Variants in PARD3B observed in about 807,000 individuals in gnomAD.
The protein encoded by PARD3B is par-3 family cell polarity regulator beta, also known as partitioning defective 3 homolog B.
Under a neutral mutation model 130.2 loss-of-function variants are expected in PARD3B, and 103 were observed. The observed-to-expected ratio is 0.79, with a 90% confidence interval of 0.67 to 0.93. The LOEUF (loss-of-function observed/expected upper bound fraction) is 0.93, where lower values mean the gene tolerates loss of function less well. Ranked by LOEUF, PARD3B falls within the 40% of genes least tolerant of loss-of-function variation. PARD3B has a pLI of 0.00. For missense variants in PARD3B, 1,609 were observed against 1,499.2 expected (o/e 1.07, Z -1.21); for synonymous variants, 583 against 553.2 (o/e 1.05, Z -0.76).
In PARD3B at chr2:205,001,762, C is replaced by T. The variant is rs543480200; in HGVS notation, c.394+36439C>T. ...AACTCCTTGTAGGGCAAACACCACA[C>T]GGTTGCACAATACCCAGCACTTGCA... On this transcript the variant is annotated intron_variant, in intron 3 of 22. Transcript: ENST00000406610. 5.3e-5 allele frequency among the ~76,000 whole-genome samples: 8 copies of T among 152,318 alleles called. No homozygotes were observed. In the South Asian group the frequency reaches 1.0e-3, roughly 20 times the overall value.
chr2:205,231,501 AT>A (rs1278709655), intron 15 of PARD3B, among the ~76,000 whole-genome samples: 19,138 of 130,500 alleles, frequency 0.15, 1,264 homozygotes, highest in African/African-American at 0.2. Flanking sequence ...TAATTTTTGT[AT>A]TTTTTTTTTT....
In PARD3B at chr2:205,616,972, GATT is replaced by G. The variant is rs1341770697; in HGVS notation, c.*1161_*1163del. On this transcript the variant is annotated 3_prime_UTR_variant, in exon 23 of 23. Coordinates refer to ENST00000406610, the MANE Select transcript of PARD3B (RefSeq NM_001302769.2). ...ATGATTGCCAGTATGGAGAATGAAA[GATT>G]AATAATGCTTTCTGGAGAGTTTGAT... 1 of 154,342 alleles carries G rather than the reference GATT, an allele frequency of 6.5e-6. No individual in the cohort carries two copies. Among genetic ancestry groups the G allele is most frequent in the African/African-American group, 2.4e-5 (1 of 41,502 alleles). The allele number at this position is 154,342 out of a possible 1,614,324, so 9.6% of individuals were successfully genotyped here.
intron 18 of PARD3B, among the ~76,000 whole-genome samples, chr2:205,356,262 G>A (rs1323494317): frequency 9.9e-5 from 15 of 152,130 alleles, no homozygotes; most frequent in African/African-American, 3.6e-4. Context: ...AAATTGAAAA[G>A]CTGTTTGTAT....
chr2:204,601,948 G>A (rs2033532388), intron 1 of PARD3B, among the ~76,000 whole-genome samples: 1 of 152,010 alleles, frequency 6.6e-6, no homozygotes, highest in Non-Finnish European at 1.5e-5. Context: ...GTGGTGTGCA[G>A]GTAGTTGCTA....
In PARD3B at chr2:205,117,632, G is replaced by T. The variant is rs181123992; in HGVS notation, c.681-1289G>T. Among the ~76,000 whole-genome samples, 47 of 152,284 alleles carry T rather than the reference G, an allele frequency of 3.1e-4. No homozygotes were observed. The East Asian group carries it at 8.7e-3, about 28-fold the overall frequency. On this transcript the variant is annotated intron_variant, in intron 6 of 22. Coordinates refer to ENST00000406610, the MANE Select transcript of PARD3B (RefSeq NM_001302769.2). ...TTTAGGTTTGAAATTTAATGTGAAG[G>T]TATTTTGTAATAGCACACATGGATT...
At chr2:204,691,783 G>A (rs191284118) in intron 2 of PARD3B, among the ~76,000 whole-genome samples, 1 of 151,754 alleles carries the variant, frequency 6.6e-6, no homozygotes, top group Admixed American at 6.6e-5. Flanking sequence ...CTATTTTACT[G>A]TATATTTTAA....
intron 1 of PARD3B, among the ~76,000 whole-genome samples, chr2:204,663,364 G>T (rs2035899698): frequency 6.6e-6 from 1 of 152,208 alleles, no homozygotes; most frequent in African/African-American, 2.4e-5. Flanking sequence ...GCATCCCTTA[G>T]TTGCAGTGTC....
At chr2:204,760,468 T>C (rs1041182805) in intron 2 of PARD3B, among the ~76,000 whole-genome samples, 2 of 152,048 alleles carry the variant, frequency 1.3e-5, no homozygotes, top group Admixed American at 1.3e-4. Flanking sequence ...AGCAGTATTT[T>C]ATTATATTGT....
chr2:205,390,520 C>T (rs1045087319), intron 18 of PARD3B, among the ~76,000 whole-genome samples: 8 of 152,168 alleles, frequency 5.3e-5, no homozygotes, highest in Non-Finnish European at 1.2e-4. Context: ...CGAATTTGGG[C>T]ATCAAAGAAG....
At chr2:205,231,138 G>C (rs1259380572) in intron 15 of PARD3B, among the ~76,000 whole-genome samples, 1 of 152,010 alleles carries the variant, frequency 6.6e-6, no homozygotes, top group African/African-American at 2.4e-5. Context: ...TTCTTATGAA[G>C]GGGCTTTTTC....
At chr2:204,988,397 TA>T (rs1693363239) in intron 3 of PARD3B, among the ~76,000 whole-genome samples, 2 of 152,080 alleles carry the variant, frequency 1.3e-5, no homozygotes, top group South Asian at 2.1e-4. Flanking sequence ...GTATAAAAAA[TA>T]GAATGAATAA....
chr2:204,874,337 C>T (rs771724193), intron 2 of PARD3B, among the ~76,000 whole-genome samples: 7 of 152,124 alleles, frequency 4.6e-5, no homozygotes, highest in African/African-American at 7.2e-5. Flanking sequence ...TGCGTGAATT[C>T]TGTTTTAAAA....
Position 205,217,864 on chromosome 2 carries a change from GTGTGTA to G in PARD3B, c.2140+24546_2140+24551del, listed in dbSNP as rs1415255418. Among the ~76,000 whole-genome samples, 146 of 76,678 alleles carry G rather than the reference GTGTGTA, an allele frequency of 1.9e-3. 3 individuals are homozygous for G. Among genetic ancestry groups the G allele is most frequent in the Middle Eastern group, 0.011 (2 of 178 alleles). 50.3% of individuals were successfully genotyped at this position (76,678 alleles called of 152,430 possible). A position where few individuals can be genotyped will look rare whatever the true frequency, so the allele number is the denominator to read the frequency against. Reference sequence around the variant, plus strand: ...TGTATATGTGTGTGTGTGTGTGTGTGTGTGTATATATATATATATATATATATATAT... The same window carrying G: ...TGTATATGTGTGTGTGTGTGTGTGTGTATATATATATATATATATATATAT... On this transcript the variant is annotated intron_variant, in intron 15 of 22. Transcript: ENST00000406610.
At chr2:205,033,452 C>T (rs1697569088) in intron 3 of PARD3B, among the ~76,000 whole-genome samples, 1 of 151,954 alleles carries the variant, frequency 6.6e-6, no homozygotes, top group Non-Finnish European at 1.5e-5. Flanking sequence ...TAAATTAAAA[C>T]ACTCCCAAAT....
At chr2:205,554,291 A>G (rs1354116659) in intron 22 of PARD3B, among the ~76,000 whole-genome samples, 1 of 152,214 alleles carries the variant, frequency 6.6e-6, no homozygotes, top group East Asian at 1.9e-4. Flanking sequence ...GTGCCAACTC[A>G]GAGATGGAGT....
chr2:205,484,245 T>C (rs2049353153), intron 20 of PARD3B, among the ~76,000 whole-genome samples: 1 of 152,214 alleles, frequency 6.6e-6, no homozygotes, highest in Non-Finnish European at 1.5e-5. Context: ...GTACCTTTCA[T>C]CTGAAAAGTT....
chr2:205,169,865 T>C (rs1337954447), intron 11 of PARD3B, among the ~76,000 whole-genome samples: 4 of 152,130 alleles, frequency 2.6e-5, no homozygotes, highest in Admixed American at 2.0e-4. Flanking sequence ...AGCAGAAATA[T>C]TTCTCCAGTT....
At position 204,965,364 on chromosome 2, in the gene PARD3B, G is replaced by C. The variant is rs550223676; in HGVS notation, c.394+41G>C. ...ATGATATTCTTTTCACCTGACTGAA[G>C]ATCCGTCATCTTGTTGATTAGGCAT... On this transcript the variant is annotated intron_variant, in intron 3 of 22. Coordinates refer to ENST00000406610, the MANE Select transcript of PARD3B (RefSeq NM_001302769.2). The C allele has an allele frequency of 7.0e-4, 1,094 of 1,571,844 alleles. 20 individuals are homozygous for C. In the South Asian group the frequency reaches 0.011, roughly 16 times the overall value.
chr2:204,611,207 C>G (rs1020720395), intron 1 of PARD3B, among the ~76,000 whole-genome samples: 2 of 152,194 alleles, frequency 1.3e-5, no homozygotes, highest in Non-Finnish European at 2.9e-5. Flanking sequence ...GGAGACTACT[C>G]CTGGGACCAG....
Sources: allele counts gnomAD v4.1 joint callset (sites outside exome capture counted in the v4.1 genomes callset), GRCh38; gene constraint gnomAD v4.1.1; transcripts MANE v1.5; gene names NCBI Gene and HGNC (gene_info 2026-07-23, HGNC 2026-07-21).